The following TPD52L1 variants were observed in gnomAD, a reference collection of about 807,000 sequenced individuals.
TPD52L1 encodes TPD52 like 1.
In TPD52L1, 18 loss-of-function variants were observed where a neutral mutation model predicts 28.7. The observed-to-expected ratio is 0.63, with a 90% CI of 0.43 to 0.93. The LOEUF (loss-of-function observed/expected upper bound fraction) is 0.93, where lower values mean the gene tolerates loss of function less well. TPD52L1 is among the 40% of genes least tolerant of loss of function. TPD52L1 has a pLI of 0.00. For missense variants in TPD52L1, 203 were observed against 254.8 expected (o/e 0.80, Z 1.39); for synonymous variants, 75 against 88.8 (o/e 0.84, Z 0.88).
intron 6 of TPD52L1, among the ~76,000 whole-genome samples, chr6:125,258,767 A>G (rs1413982172): frequency 6.6e-6 from 1 of 152,046 alleles, no homozygotes; most frequent in Non-Finnish European, 1.5e-5. Flanking sequence ...TCAGACATGC[A>G]CATAACTAAC....
At chr6:125,172,107 T>C (rs1425818258) in intron 1 of TPD52L1, among the ~76,000 whole-genome samples, 881 of 55,474 alleles carry the variant, frequency 0.016, 5 homozygotes, top group African/African-American at 0.046. Flanking sequence ...TCCCTTTCTT[T>C]CTTTCTTTCT....
chr6:125,263,354 G>C lies in TPD52L1; in HGVS notation c.*392G>C, dbSNP rs1798165502. The C allele has an allele frequency of 5.6e-6, 1 of 179,062 alleles. No individual in the cohort carries two copies. Among genetic ancestry groups the C allele is most frequent in the Non-Finnish European group, 1.2e-5 (1 of 84,126 alleles). 11.1% of individuals were successfully genotyped at this position (179,062 alleles called of 1,614,324 possible). On this transcript the variant is annotated 3_prime_UTR_variant, in exon 7 of 7. Transcript: ENST00000534000. Reference sequence around the variant, plus strand: ...TGAATGAACAGTCCCTTTCAGTTCAGCAGATCAACAGGATGGAGCTCTTCA... The same window carrying C: ...TGAATGAACAGTCCCTTTCAGTTCACCAGATCAACAGGATGGAGCTCTTCA...
intron 1 of TPD52L1, among the ~76,000 whole-genome samples, chr6:125,203,952 C>A (rs375715158): frequency 6.6e-6 from 1 of 152,272 alleles, no homozygotes; most frequent in East Asian, 1.9e-4. Context: ...TAAGGTGGAG[C>A]TTAGAACATA....
chr6:125,213,378 G>C (rs1398819010), intron 1 of TPD52L1, among the ~76,000 whole-genome samples: 1 of 152,194 alleles, frequency 6.6e-6, no homozygotes, highest in South Asian at 2.1e-4. Context: ...TGTTCTGCTT[G>C]TATGGCTCTT....
At chr6:125,158,260 A>G (rs1271185464) in intron 1 of TPD52L1, among the ~76,000 whole-genome samples, 1 of 152,216 alleles carries the variant, frequency 6.6e-6, no homozygotes, top group Non-Finnish European at 1.5e-5. Context: ...TATTTTTTAT[A>G]TCCACTCAAG....
At chr6:125,240,186 C>A (rs1159396114) in intron 3 of TPD52L1, among the ~76,000 whole-genome samples, 1 of 152,060 alleles carries the variant, frequency 6.6e-6, no homozygotes, top group East Asian at 1.9e-4. Flanking sequence ...GTTCTACGTG[C>A]CTATTTTTAT....
chr6:125,227,756 T>G (rs1795703910), intron 2 of TPD52L1, among the ~76,000 whole-genome samples: 1 of 152,242 alleles, frequency 6.6e-6, no homozygotes, highest in African/African-American at 2.4e-5. Flanking sequence ...TTGTGATTTA[T>G]TCAGATTTAT....
At chr6:125,159,408 A>G (rs1032827182) in intron 1 of TPD52L1, among the ~76,000 whole-genome samples, 1 of 152,234 alleles carries the variant, frequency 6.6e-6, no homozygotes, top group African/African-American at 2.4e-5. Context: ...TTAAAATGTC[A>G]TAAATTTAGT....
At chr6:125,181,097 C>G (rs1792167054) in intron 1 of TPD52L1, among the ~76,000 whole-genome samples, 1 of 152,100 alleles carries the variant, frequency 6.6e-6, no homozygotes, top group African/African-American at 2.4e-5. Flanking sequence ...GGTGAAGAAT[C>G]TGATGGCAGT....
At chr6:125,252,354 A>G (rs1583019645) in intron 4 of TPD52L1, 1 of 303,296 alleles carries the variant, frequency 3.3e-6, no homozygotes, top group Non-Finnish European at 6.0e-6. Flanking sequence ...AAAAAAAAAC[A>G]AAGTGGAGAT....
intron 1 of TPD52L1, among the ~76,000 whole-genome samples, chr6:125,216,878 A>T (rs1387437744): frequency 1.3e-5 from 2 of 152,044 alleles, no homozygotes; most frequent in East Asian, 3.9e-4. Flanking sequence ...AGACATAAGG[A>T]TGTGAATACC....
chr6:125,153,835 G>A lies in TPD52L1; in HGVS notation c.-117G>A. ...CCTCCGCGCAGCGCTCGCGACACGCGTGCCAGGAGTGGGAGCGAGCGGCGG... is the reference window on the plus strand; with the variant it reads ...CCTCCGCGCAGCGCTCGCGACACGCATGCCAGGAGTGGGAGCGAGCGGCGG... On this transcript the variant is annotated 5_prime_UTR_variant, in exon 1 of 7. In the 5' UTR this introduces an upstream ATG that the reference lacks. Transcript: ENST00000534000. 3.3e-6 allele frequency: 4 copies of A among 1,214,924 alleles called. No individual in the cohort carries two copies. Among genetic ancestry groups the A allele is most frequent in the Non-Finnish European group, 4.4e-6 (4 of 900,188 alleles). The allele number at this position is 1,214,924 out of a possible 1,614,324, so 75.3% of individuals were successfully genotyped here. A position where few individuals can be genotyped will look rare whatever the true frequency, so the allele number is the denominator to read the frequency against.
At chr6:125,170,536 C>T (rs1791226619) in intron 1 of TPD52L1, among the ~76,000 whole-genome samples, 1 of 151,968 alleles carries the variant, frequency 6.6e-6, no homozygotes, top group African/African-American at 2.4e-5. Context: ...CAGTAACACA[C>T]CAGCCTGCAT....
intron 1 of TPD52L1, among the ~76,000 whole-genome samples, chr6:125,172,311 T>C (rs77227318): frequency 0.045 from 6,413 of 141,254 alleles, 355 homozygotes; most frequent in East Asian, 0.32. Context: ...TTTCTTTCTT[T>C]CTTAGACAGA....
At position 125,218,600 on chromosome 6, in the gene TPD52L1, T is replaced by C. The variant is rs112359959; in HGVS notation, c.20-1478T>C. Among the ~76,000 whole-genome samples, 260 of 152,350 alleles carry C rather than the reference T, an allele frequency of 1.7e-3. 1 individual carries two copies. Among genetic ancestry groups the C allele is most frequent in the African/African-American group, 6.1e-3 (255 of 41,592 alleles). The stretch of plus-strand genomic sequence containing the variant: ...TTTGATAAAGAGCCATTATTAATCT[T>C]GTTCGTCCGTTTTTCATGGTTTGCC... On this transcript the variant is annotated intron_variant, in intron 1 of 6. Transcript: ENST00000534000.
At chr6:125,157,727 C>A (rs760675813) in intron 1 of TPD52L1, among the ~76,000 whole-genome samples, 3 of 152,148 alleles carry the variant, frequency 2.0e-5, no homozygotes, top group South Asian at 2.1e-4. Context: ...CCTTTCCCAA[C>A]GTCTTTAATG....
intron 1 of TPD52L1, among the ~76,000 whole-genome samples, chr6:125,212,542 G>A (rs1389456268): frequency 6.6e-6 from 1 of 152,356 alleles, no homozygotes; most frequent in South Asian, 2.1e-4. Context: ...ATGCCAATGA[G>A]TGATTTCATT....
intron 1 of TPD52L1, among the ~76,000 whole-genome samples, chr6:125,204,949 T>G (rs1297501226): frequency 6.6e-6 from 1 of 152,228 alleles, no homozygotes; most frequent in Non-Finnish European, 1.5e-5. Context: ...ATTGTGGAAT[T>G]AAAATACAGC....
intron 1 of TPD52L1, among the ~76,000 whole-genome samples, chr6:125,216,396 C>T (rs1794877826): frequency 6.6e-6 from 1 of 151,700 alleles, no homozygotes; most frequent in Admixed American, 6.6e-5. Context: ...TATTAATCAT[C>T]CATAAGACAA....
Sources: allele counts gnomAD v4.1 joint callset (sites outside exome capture counted in the v4.1 genomes callset), GRCh38; gene constraint gnomAD v4.1.1; transcripts MANE v1.5; gene names NCBI Gene and HGNC (gene_info 2026-07-23, HGNC 2026-07-21).